Variants in CDC25B observed in about 807,000 individuals in gnomAD.
The protein encoded by CDC25B is cell division cycle 25B, also known as M-phase inducer phosphatase 2.
A neutral mutation model predicts 69.8 loss-of-function variants in CDC25B; 33 were observed. The ratio of observed to expected loss-of-function variants is 0.47; its 90% CI spans 0.36 to 0.63. The LOEUF is 0.63. Among genes scored for constraint, CDC25B ranks in the 30% least tolerant of loss-of-function variants. CDC25B has a pLI of 0.00. For synonymous variants in CDC25B, 341 were observed against 314.6 expected, an observed-to-expected ratio of 1.08 and a Z score of -0.89; for missense variants, 727 against 809.1, an observed-to-expected ratio of 0.90 and a Z score of 1.23.
At chr20:3,794,613 G>T (rs1170499394), upstream of CDC25B, among the ~76,000 whole-genome samples, 3 of 152,140 alleles carry the variant, frequency 2.0e-5, no homozygotes, top group Non-Finnish European at 4.4e-5. Flanking sequence ...GGAAGTAGTG[G>T]CTGGAGGTCC....
At position 3,796,598 on chromosome 20, in the gene CDC25B, G is replaced by C; in HGVS notation, c.67G>C (p.Ala23Pro). 1 of 1,441,232 alleles carries C rather than the reference G, an allele frequency of 6.9e-7. No homozygotes were observed. Among genetic ancestry groups the C allele is most frequent in the Non-Finnish European group, 9.1e-7 (1 of 1,101,526 alleles). The allele number at this position is 1,441,232 out of a possible 1,614,324, so 89.3% of individuals were successfully genotyped here. ...CAGTCCAGCAGGCGTGTGCGGTGGCGCCCAGCGTCCGGGCCACCTCCCGGG... is the reference window on the plus strand; with the variant it reads ...CAGTCCAGCAGGCGTGTGCGGTGGCCCCCAGCGTCCGGGCCACCTCCCGGG... ...ALSPAGVCGGAQRPGHLPGLL... is the reference protein window; with the variant it reads ...ALSPAGVCGGPQRPGHLPGLL... The change falls in exon 1 of 16, where the codon GCC (alanine) becomes CCC (proline). Residue 23 changes from alanine to proline, a missense_variant. Transcript: ENST00000245960.
chr20:3,802,761 C>T, intron 11 of CDC25B, 149 bp from the exon 12 acceptor site: 1 of 664,820 alleles, frequency 1.5e-6, no homozygotes, highest in Non-Finnish European at 2.7e-6. Flanking sequence ...CCAAGAGGTG[C>T]CTCTCAGTTG....
rs759035940 is a variant in CDC25B at position 3,797,612 on chromosome 20, C to G, written c.201-10C>G. On this transcript the variant is annotated splice_polypyrimidine_tract_variant and intron_variant, in intron 1 of 15. Transcript: ENST00000245960. ...CTTTCTCCTTTCCCGGGTCCCTGTTCCCTTCCCAGCGAAACCCCAAAGAGT... is the reference window on the plus strand; with the variant it reads ...CTTTCTCCTTTCCCGGGTCCCTGTTGCCTTCCCAGCGAAACCCCAAAGAGT... 2 of 1,614,008 alleles carry G rather than the reference C, an allele frequency of 1.2e-6. No homozygotes were observed. The highest frequency in any genetic ancestry group is 4.5e-5 in the East Asian group (2 of 44,884).
In CDC25B at chr20:3,796,652, G is replaced by T; in HGVS notation, c.121G>T (p.Gly41Trp). 3 of 1,494,708 alleles carry T rather than the reference G, an allele frequency of 2.0e-6. No individual in the cohort carries two copies. Among genetic ancestry groups the T allele is most frequent in the East Asian group, 2.6e-5 (1 of 38,204 alleles). The allele number at this position is 1,494,708 out of a possible 1,614,324, so 92.6% of individuals were successfully genotyped here. The change falls in exon 1 of 16, where the codon GGG becomes TGG. Residue 41 changes from glycine (G) to tryptophan (W), a missense_variant. Transcript: ENST00000245960. ...GLLLGSHGLL[G>W]SPVRAAASSP... ...CCTGCTGGGATCTCATGGCCTCCTG[G>T]GGTCCCCGGTGCGGGCGGCCGCTTC...
upstream of CDC25B, among the ~76,000 whole-genome samples, chr20:3,795,483 G>A (rs979276622): frequency 1.3e-5 from 2 of 152,234 alleles, no homozygotes; most frequent in African/African-American, 4.8e-5. Flanking sequence ...GGTGCCATTG[G>A]CACCAAGTTA....
upstream of CDC25B, chr20:3,795,865 C>T (rs1203960972): frequency 2.0e-6 from 2 of 984,810 alleles, no homozygotes; most frequent in Middle Eastern, 5.2e-4. Flanking sequence ...ATGAACTTCA[C>T]GCCTCAGCGT....
chr20:3,795,133 G>A (rs1222452813), upstream of CDC25B, among the ~76,000 whole-genome samples: 6 of 152,114 alleles, frequency 3.9e-5, no homozygotes, highest in African/African-American at 1.4e-4. Context: ...AGGCCTAGGT[G>A]GGTGGATCAC....
At position 3,805,333 on chromosome 20, in the gene CDC25B, G is replaced by T; in HGVS notation, c.*372G>T. The T allele has an allele frequency of 3.3e-6, 1 of 304,716 alleles. No homozygotes were observed. Among genetic ancestry groups the T allele is most frequent in the Non-Finnish European group, 6.2e-6 (1 of 160,348 alleles). 18.9% of individuals were successfully genotyped at this position (304,716 alleles called of 1,614,324 possible). A position where few individuals can be genotyped will look rare whatever the true frequency, so the allele number is the denominator to read the frequency against. The stretch of plus-strand genomic sequence containing the variant: ...TCAGCTGAGGCTGGGGGAGAGCCGT[G>T]GTCCCTGAGGATGGGTCAGAGCTAA... On this transcript the variant is annotated 3_prime_UTR_variant, in exon 16 of 16. Transcript: ENST00000245960.
chr20:3,796,707 T>C lies in CDC25B; in HGVS notation c.176T>C (p.Met59Thr), dbSNP rs748498041. Reference sequence around the variant, plus strand: ...CCGGTCACCACCCTCACCCAGACCATGCACGACCTCGCCGGGCTCGGCAGG... The same window carrying C: ...CCGGTCACCACCCTCACCCAGACCACGCACGACCTCGCCGGGCTCGGCAGG... ...SSPVTTLTQT[M>T]HDLAGLGSET... Residue 59 changes from methionine to threonine, a missense_variant, in exon 1 of 16, where the codon ATG becomes ACG. Met to Thr is a moderately conservative substitution (Grantham distance 81). Around this residue, in one of 2 missense-constraint regions of CDC25B, gnomAD observed 368 missense variants for 345.6 expected, o/e 1.06. Coordinates refer to ENST00000245960, the MANE Select transcript of CDC25B (RefSeq NM_021873.4). 2 of 1,568,486 alleles carry C rather than the reference T, an allele frequency of 1.3e-6. No individual in the cohort carries two copies. The highest frequency in any genetic ancestry group is 1.7e-6 in the Non-Finnish European group (2 of 1,165,948).
intron 2 of CDC25B, 70 bp downstream of exon 2, chr20:3,797,819 C>T: frequency 1.3e-6 from 2 of 1,573,464 alleles, no homozygotes; most frequent in Non-Finnish European, 1.7e-6. Context: ...CTGGGCCTCC[C>T]AATTTCCCTG....
upstream of CDC25B, among the ~76,000 whole-genome samples, chr20:3,793,593 AT>A (rs869280544): frequency 1.7e-5 from 1 of 57,462 alleles, no homozygotes; most frequent in African/African-American, 7.0e-5. Context: ...ATTTTATTTT[AT>A]TTTTTTATTT....
intron 14 of CDC25B, among the ~76,000 whole-genome samples, chr20:3,804,139 C>T (rs776713541): frequency 6.6e-6 from 1 of 152,228 alleles, no homozygotes; most frequent in African/African-American, 2.4e-5. Context: ...ATATGGCACC[C>T]ACCTCCACCT....
At chr20:3,793,402 A>C (rs2088947165), upstream of CDC25B, among the ~76,000 whole-genome samples, 1 of 152,134 alleles carries the variant, frequency 6.6e-6, no homozygotes, top group African/African-American at 2.4e-5. Flanking sequence ...GGTTGCAGTG[A>C]GCCGAGATCA....
chr20:3,801,872 G>A, intron 9 of CDC25B, 52 bp from the exon 10 acceptor site: 1 of 1,583,424 alleles, frequency 6.3e-7, no homozygotes, highest in African/African-American at 1.3e-5. Flanking sequence ...GTGGATTTGA[G>A]GGATGGGACG....
At chr20:3,799,677 G>C (rs928381769) in intron 3 of CDC25B, among the ~76,000 whole-genome samples, 1 of 152,160 alleles carries the variant, frequency 6.6e-6, no homozygotes, top group South Asian at 2.1e-4. Flanking sequence ...ACAGAGGCTG[G>C]TCCTGGAAAA....
chr20:3,795,699 C>T (rs1600384046), upstream of CDC25B: 1 of 985,438 alleles, frequency 1.0e-6, no homozygotes, highest in East Asian at 1.1e-4. Context: ...CCACTGCCCT[C>T]CCACCTCCTA....
chr20:3,788,678 A>G (rs2088865120), intron 1 of CDC25B, among the ~76,000 whole-genome samples: 1 of 152,104 alleles, frequency 6.6e-6, no homozygotes, highest in Non-Finnish European at 1.5e-5. Flanking sequence ...TGAATCTAAG[A>G]TTACCTGGAT....
chr20:3,798,982 G>A (rs932529), intron 3 of CDC25B, among the ~76,000 whole-genome samples: 85,382 of 151,982 alleles, frequency 0.56, 24,865 homozygotes, highest in African/African-American at 0.71. Context: ...GGCCCTTTCT[G>A]CAAGGGAATG....
intron 2 of CDC25B, 47 bp downstream of exon 2, chr20:3,797,796 T>C: frequency 6.2e-7 from 1 of 1,606,236 alleles, no homozygotes. Context: ...TCAGGAGAGT[T>C]TGTGGGGGCT....
Sources: allele counts gnomAD v4.1 joint callset (sites outside exome capture counted in the v4.1 genomes callset), GRCh38; gene constraint gnomAD v4.1.1; regional missense constraint gnomAD v4.1.1; transcripts MANE v1.5; gene names NCBI Gene and HGNC (gene_info 2026-07-23, HGNC 2026-07-21).